ACSL1: variants seen among roughly 807,000 people sequenced by gnomAD.
The protein encoded by ACSL1 is acyl-CoA synthetase long chain family member 1.
In ACSL1, 41 loss-of-function variants were observed where a neutral mutation model predicts 98.4. That is an observed-to-expected ratio of 0.42 (90% CI 0.32 to 0.54). The LOEUF (loss-of-function observed/expected upper bound fraction) is 0.54, where lower values mean the gene tolerates loss of function less well. Among genes scored for constraint, ACSL1 ranks in the 20% least tolerant of loss-of-function variants. The probability of loss-of-function intolerance (pLI) is 0.13; values close to 1 mark genes in which losing one functional copy is unlikely to be tolerated. For missense variants in ACSL1, 734 were observed against 883.1 expected (o/e 0.83, Z 2.14); for synonymous variants, 316 against 322.7 (o/e 0.98, Z 0.22).
In ACSL1 at chr4:184,773,622, A is replaced by G. The variant is rs55664922; in HGVS notation, c.841+41T>C. 0.15 allele frequency: 238,838 copies of G among 1,578,604 alleles called. 19,474 individuals carry two copies. The highest frequency in any genetic ancestry group is 0.17 in the Non-Finnish European group (192,680 of 1,160,582). On this transcript the variant is annotated intron_variant, in intron 9 of 20. Transcript: ENST00000281455. This position sits in a 1 kb window ranked among gnomAD's most constrained non-coding sequence, Gnocchi z 4.3. Reference sequence around the variant, plus strand: ...AAGAGGTAGGGGAGAGTCCAGACCAATGGCTGCCATATGTAGAAGCAATTC... The same window carrying G: ...AAGAGGTAGGGGAGAGTCCAGACCAGTGGCTGCCATATGTAGAAGCAATTC...
intron 3 of ACSL1, chr4:184,788,288 T>C (rs142570346): frequency 7.5e-6 from 3 of 398,962 alleles, no homozygotes; most frequent in African/African-American, 4.1e-5. Flanking sequence ...CAAGTAAGCA[T>C]GAAAAATGCC....
chr4:184,766,591 A>C lies in ACSL1; in HGVS notation c.1263+31T>G. On this transcript the variant is annotated intron_variant, in intron 13 of 20. Transcript: ENST00000281455. The surrounding 1 kb of genome is among the most constrained non-coding windows in gnomAD (Gnocchi z 4.8). Reference sequence around the variant, plus strand: ...ACTCTGAAAAGCGAAGTCGGTTTCCATGGGAGCAGTGGCTGTGAGTCACGT... The same window carrying C: ...ACTCTGAAAAGCGAAGTCGGTTTCCCTGGGAGCAGTGGCTGTGAGTCACGT... 6.3e-7 allele frequency: 1 copy of C among 1,599,574 alleles called. No individual in the cohort carries two copies. Among genetic ancestry groups the C allele is most frequent in the Non-Finnish European group, 8.6e-7 (1 of 1,168,844 alleles).
In ACSL1 at chr4:184,762,626, T is replaced by A. The variant is rs1763018941; in HGVS notation, c.1522-103A>T. ...GTGTGTGTCTGCCCCAACCTTTAGC[T>A]GGAAGCCCTAAACTCCAGGATGCAG... On this transcript the variant is annotated intron_variant, in intron 16 of 20. Transcript: ENST00000281455. 1.9e-6 allele frequency: 2 copies of A among 1,033,228 alleles called. 1 individual carries two copies. The highest frequency in any genetic ancestry group is 3.7e-5 in the Admixed American group (2 of 54,234). The allele number at this position is 1,033,228 out of a possible 1,614,324, so 64.0% of individuals were successfully genotyped here.
intron 3 of ACSL1, 74 bp downstream of exon 3, chr4:184,788,543 G>T: frequency 8.5e-7 from 1 of 1,176,714 alleles, no homozygotes; most frequent in Non-Finnish European, 1.3e-6. Flanking sequence ...GAGCAAATGT[G>T]CATTTCTGAA....
chr4:184,794,489 T>C (rs1022211637), intron 2 of ACSL1, among the ~76,000 whole-genome samples: 1 of 152,182 alleles, frequency 6.6e-6, no homozygotes, highest in African/African-American at 2.4e-5. Context: ...CCAAGATCCT[T>C]TCCTCCCAGC....
intron 3 of ACSL1, among the ~76,000 whole-genome samples, chr4:184,787,166 C>T (rs1327391110): frequency 2.0e-5 from 3 of 152,146 alleles, no homozygotes; most frequent in African/African-American, 7.2e-5. Flanking sequence ...CATTTTTAGA[C>T]AAGTACCTGG....
chr4:184,774,083 C>A (rs938112951), intron 7 of ACSL1, among the ~76,000 whole-genome samples: 3 of 152,102 alleles, frequency 2.0e-5, no homozygotes, highest in Non-Finnish European at 4.4e-5. Flanking sequence ...AGCCATTTTC[C>A]AGTTACCTCT....
chr4:184,791,718 C>T (rs574856729), intron 2 of ACSL1, among the ~76,000 whole-genome samples: 1 of 152,290 alleles, frequency 6.6e-6, no homozygotes, highest in East Asian at 1.9e-4. Context: ...CCAACTCCTA[C>T]AGACCTGGAT....
At position 184,766,829 on chromosome 4, in the gene ACSL1, G is replaced by C. The variant is rs1763684078; in HGVS notation, c.1129-73C>G. On this transcript the variant is annotated intron_variant, in intron 12 of 20. Coordinates refer to ENST00000281455, the MANE Select transcript of ACSL1 (RefSeq NM_001995.5). The surrounding 1 kb of genome is among the most constrained non-coding windows in gnomAD (Gnocchi z 4.8). ...AGAGTCAAAGAGTGTGGAGAAATCA[G>C]AACCCTCACACACAGCTGGGGAACA... 1.3e-6 allele frequency: 2 copies of C among 1,502,490 alleles called. No individual in the cohort carries two copies. Among genetic ancestry groups the C allele is most frequent in the African/African-American group, 2.8e-5 (2 of 72,344 alleles). 93.1% of individuals were successfully genotyped at this position (1,502,490 alleles called of 1,614,324 possible).
At chr4:184,810,490 G>C (rs1362878146) in intron 1 of ACSL1, among the ~76,000 whole-genome samples, 11 of 152,178 alleles carry the variant, frequency 7.2e-5, no homozygotes, top group Admixed American at 6.5e-4. Flanking sequence ...ACAAAATAGT[G>C]GATAACAGAG....
intron 7 of ACSL1, among the ~76,000 whole-genome samples, chr4:184,775,249 T>C (rs1247519161): frequency 1.3e-5 from 2 of 152,122 alleles, no homozygotes; most frequent in Non-Finnish European, 2.9e-5. Flanking sequence ...TTTTAAAAAC[T>C]AAGTACAGAT....
chr4:184,774,442 A>G (rs1764980974), intron 7 of ACSL1, among the ~76,000 whole-genome samples: 1 of 152,118 alleles, frequency 6.6e-6, no homozygotes, highest in Non-Finnish European at 1.5e-5. Flanking sequence ...AGGATTTGGG[A>G]GCCCCCAATT....
At chr4:184,785,401 A>G (rs887914540) in intron 3 of ACSL1, among the ~76,000 whole-genome samples, 1 of 152,158 alleles carries the variant, frequency 6.6e-6, no homozygotes, top group Non-Finnish European at 1.5e-5. Context: ...GCCACTGAGA[A>G]GCAGGGAGCT....
rs1763588619 is a variant in ACSL1 at position 184,766,228 on chromosome 4, T to C, written c.1264-242A>G. On this transcript the variant is annotated intron_variant, in intron 13 of 20. Transcript: ENST00000281455. The surrounding 1 kb of genome is among the most constrained non-coding windows in gnomAD (Gnocchi z 4.8). ...TCAGCCCCACCTCTGCAGAAGCTAT[T>C]TCAGGGAATTAGAACACAACTGGGC... 6.6e-6 allele frequency among the ~76,000 whole-genome samples: 1 copy of C among 152,208 alleles called. No homozygotes were observed. Among genetic ancestry groups the C allele is most frequent in the African/African-American group, 2.4e-5 (1 of 41,448 alleles).
chr4:184,803,775 A>C lies in ACSL1; in HGVS notation c.-32-229T>G, dbSNP rs1770945015. On this transcript the variant is annotated intron_variant, in intron 1 of 20. Transcript: ENST00000281455. The surrounding 1 kb of genome is among the most constrained non-coding windows in gnomAD (Gnocchi z 4.8). ...TTCTCCATTACCTTGTATTGAAAAA[A>C]CCCCATTCTCTTCCTTTCATTAACC... 6.6e-6 allele frequency among the ~76,000 whole-genome samples: 1 copy of C among 151,832 alleles called. No homozygotes were observed. The highest frequency in any genetic ancestry group is 2.4e-5 in the African/African-American group (1 of 41,262).
At chr4:184,768,115 A>G (rs1195700308) in intron 12 of ACSL1, 6 of 534,772 alleles carry the variant, frequency 1.1e-5, no homozygotes, top group African/African-American at 2.0e-5. Flanking sequence ...AAGTGTGTTC[A>G]TGCATTTTCT....
At chr4:184,805,987 C>G (rs555740097) in intron 1 of ACSL1, among the ~76,000 whole-genome samples, 1 of 152,290 alleles carries the variant, frequency 6.6e-6, no homozygotes, top group Admixed American at 6.5e-5. Context: ...AAGAAAGAAA[C>G]AGATTGCCCA....
Position 184,825,336 on chromosome 4 carries a change from G to T in ACSL1, c.-33+580C>A. The stretch of plus-strand genomic sequence containing the variant: ...TCCACGGCCAAGTGCAAGGGCCACG[G>T]GCACTCCTCTGGAGTCACCGAGAGA... On this transcript the variant is annotated intron_variant, in intron 1 of 20. Coordinates refer to ENST00000281455, the MANE Select transcript of ACSL1 (RefSeq NM_001995.5). This position sits in a 1 kb window ranked among gnomAD's most constrained non-coding sequence, Gnocchi z 4.7. The T allele has an allele frequency of 1.3e-6, 1 of 761,112 alleles. No individual in the cohort carries two copies. The highest frequency in any genetic ancestry group is 1.6e-6 in the Non-Finnish European group (1 of 625,046). The allele number at this position is 761,112 out of a possible 1,614,324, so 47.1% of individuals were successfully genotyped here.
At chr4:184,777,053 T>C in intron 5 of ACSL1, 70 bp from the exon 6 acceptor site, 2 of 1,352,670 alleles carry the variant, frequency 1.5e-6, no homozygotes, top group Non-Finnish European at 2.1e-6. Flanking sequence ...AGAACAATAC[T>C]CAAGAGAGAT....
Sources: allele counts gnomAD v4.1 joint callset (sites outside exome capture counted in the v4.1 genomes callset), GRCh38; gene constraint gnomAD v4.1.1; non-coding constraint Gnocchi (gnomAD v3.1); transcripts MANE v1.5; gene names NCBI Gene and HGNC (gene_info 2026-07-23, HGNC 2026-07-21).